SUGCT: variants seen among roughly 807,000 people sequenced by gnomAD.
SUGCT encodes the protein succinyl-CoA:glutarate CoA-transferase.
In SUGCT, 41 loss-of-function variants were observed where a neutral mutation model predicts 55.0. That is an observed-to-expected ratio of 0.74 (90% CI 0.58 to 0.97). The LOEUF (loss-of-function observed/expected upper bound fraction) is 0.97. SUGCT is among the 50% of genes least tolerant of loss of function. The pLI is 0.00. For missense variants in SUGCT, 568 were observed against 547.8 expected, an observed-to-expected ratio of 1.04 and a Z score of -0.37; for synonymous variants, 187 against 200.4, an observed-to-expected ratio of 0.93 and a Z score of 0.56.
At chr7:40,645,805 C>T (rs926218519) in intron 12 of SUGCT, among the ~76,000 whole-genome samples, 1 of 152,130 alleles carries the variant, frequency 6.6e-6, no homozygotes, top group Non-Finnish European at 1.5e-5. Flanking sequence ...AGCTTCTCTG[C>T]CAATCAAGCT....
rs190908165 is a variant in SUGCT at position 40,507,036 on chromosome 7, G to A, written c.1089+10650G>A. Among the ~76,000 whole-genome samples, 1,363 of 151,806 alleles carry A rather than the reference G, an allele frequency of 9.0e-3. 10 individuals are homozygous for A. Among genetic ancestry groups the A allele is most frequent in the Non-Finnish European group, 0.011 (749 of 67,960 alleles). ...GATTTGAAGTTTTTTTTTCTCCTAAGTCTACCATCAGGATCTCTTCAAAGG... is the reference window on the plus strand; with the variant it reads ...GATTTGAAGTTTTTTTTTCTCCTAAATCTACCATCAGGATCTCTTCAAAGG... On this transcript the variant is annotated intron_variant, in intron 12 of 13. Transcript: ENST00000335693.
intron 12 of SUGCT, among the ~76,000 whole-genome samples, chr7:40,686,645 C>T (rs997032385): frequency 3.3e-5 from 5 of 152,104 alleles, no homozygotes; most frequent in Admixed American, 2.0e-4. Context: ...AGCATCTACA[C>T]ATCCATTCTC....
At chr7:40,432,928 A>G (rs541743618) in intron 9 of SUGCT, among the ~76,000 whole-genome samples, 2 of 152,014 alleles carry the variant, frequency 1.3e-5, no homozygotes, top group East Asian at 3.9e-4. Flanking sequence ...TTGTGAACTT[A>G]TATAATGTGC....
At chr7:40,262,386 C>T (rs555422974) in intron 7 of SUGCT, among the ~76,000 whole-genome samples, 2 of 150,902 alleles carry the variant, frequency 1.3e-5, no homozygotes, top group South Asian at 4.2e-4. Context: ...CGCGGTGGCT[C>T]ATGCCTGTAG....
chr7:40,181,811 A>G, intron 2 of SUGCT, 144 bp from the exon 3 acceptor site: 1 of 562,528 alleles, frequency 1.8e-6, no homozygotes, highest in Non-Finnish European at 3.2e-6. Context: ...AGCTCCTATT[A>G]CATATGGCCA....
chr7:40,957,895 A>T, the SUGCT span, among the ~76,000 whole-genome samples: 1 of 152,086 alleles, frequency 6.6e-6, no homozygotes, highest in East Asian at 1.9e-4. Context: ...TTGTCTGTAA[A>T]GGATTTTATT....
At chr7:40,462,469 A>G (rs898274407) in intron 11 of SUGCT, among the ~76,000 whole-genome samples, 11 of 152,162 alleles carry the variant, frequency 7.2e-5, no homozygotes, top group Non-Finnish European at 1.6e-4. Flanking sequence ...CTGGCCATAA[A>G]ATGGATTTGC....
intron 12 of SUGCT, among the ~76,000 whole-genome samples, chr7:40,629,160 A>C (rs1004482992): frequency 2.6e-5 from 4 of 152,170 alleles, no homozygotes; most frequent in Admixed American, 1.3e-4. Flanking sequence ...AGCGCAGTTC[A>C]TGCCTATCTT....
At chr7:40,272,954 C>T (rs1792194304) in intron 7 of SUGCT, among the ~76,000 whole-genome samples, 1 of 151,954 alleles carries the variant, frequency 6.6e-6, no homozygotes, top group African/African-American at 2.4e-5. Context: ...GCCACCGTGC[C>T]CAGCCTTTAG....
intron 12 of SUGCT, among the ~76,000 whole-genome samples, chr7:40,616,105 T>A (rs1798990125): frequency 6.6e-6 from 1 of 152,246 alleles, no homozygotes; most frequent in African/African-American, 2.4e-5. Context: ...AATTATTGAA[T>A]GACTATTATG....
chr7:40,362,805 T>A (rs913660243), intron 9 of SUGCT, among the ~76,000 whole-genome samples: 1 of 152,168 alleles, frequency 6.6e-6, no homozygotes, highest in Non-Finnish European at 1.5e-5. Context: ...GATCTAATTT[T>A]GGAAAAAAAT....
the SUGCT span, among the ~76,000 whole-genome samples, chr7:40,948,737 G>T: frequency 2.0e-5 from 3 of 152,108 alleles, no homozygotes; most frequent in East Asian, 5.8e-4. Context: ...AGTTTGCTGA[G>T]AATGATGATT....
At chr7:40,586,605 A>C (rs1584057387) in intron 12 of SUGCT, among the ~76,000 whole-genome samples, 1 of 143,904 alleles carries the variant, frequency 6.9e-6, no homozygotes, top group Non-Finnish European at 1.5e-5. Context: ...ATTTGGGATT[A>C]GTTTCAAGAC....
At chr7:40,958,488 C>T in the SUGCT span, among the ~76,000 whole-genome samples, 7,917 of 151,694 alleles carry the variant, frequency 0.052, 213 homozygotes, top group South Asian at 0.073. Flanking sequence ...ACGAAGTTCT[C>T]GTGCTGTGTT....
intron 9 of SUGCT, among the ~76,000 whole-genome samples, chr7:40,447,607 A>T (rs1229553925): frequency 6.6e-6 from 1 of 152,140 alleles, no homozygotes; most frequent in African/African-American, 2.4e-5. Context: ...GATACCTTGA[A>T]AGGGGTGTTG....
At chr7:40,688,638 C>G (rs1023839857) in intron 12 of SUGCT, among the ~76,000 whole-genome samples, 1 of 151,862 alleles carries the variant, frequency 6.6e-6, no homozygotes, top group African/African-American at 2.4e-5. Flanking sequence ...TAAAAAATTT[C>G]AAAGGAAATA....
At chr7:40,862,624 C>T (rs372326792), downstream of SUGCT, among the ~76,000 whole-genome samples, 71 of 152,206 alleles carry the variant, frequency 4.7e-4, 1 homozygote, top group South Asian at 0.014. Flanking sequence ...GGCCTGCCTT[C>T]TGGCAGGTTT....
At chr7:40,705,318 A>G (rs1212792489) in intron 12 of SUGCT, among the ~76,000 whole-genome samples, 1 of 152,204 alleles carries the variant, frequency 6.6e-6, no homozygotes, top group Non-Finnish European at 1.5e-5. Context: ...TATATGTATT[A>G]TGTCATGCCA....
At chr7:40,576,469 G>A (rs1006889314) in intron 12 of SUGCT, among the ~76,000 whole-genome samples, 6 of 152,304 alleles carry the variant, frequency 3.9e-5, no homozygotes, top group Admixed American at 3.3e-4. Context: ...TCTCCCATGC[G>A]TTGAGAGCAG....
Sources: allele counts gnomAD v4.1 joint callset (sites outside exome capture counted in the v4.1 genomes callset), GRCh38; gene constraint gnomAD v4.1.1; transcripts MANE v1.5; gene names NCBI Gene and HGNC (gene_info 2026-07-23, HGNC 2026-07-21).